Variants in SEC16B observed in about 807,000 individuals in gnomAD.
SEC16B encodes the protein SEC16 homolog B, endoplasmic reticulum export factor, also known as protein transport protein Sec16B.
SEC16B carries 115 observed loss-of-function variants against 141.8 expected under a neutral mutation model. The ratio of observed to expected loss-of-function variants is 0.81; its 90% CI spans 0.70 to 0.95. The LOEUF (loss-of-function observed/expected upper bound fraction) is 0.95, where lower values mean the gene tolerates loss of function less well. SEC16B is among the 40% of genes least tolerant of loss of function. The pLI, the probability that SEC16B is intolerant of heterozygous loss-of-function variation, is 0.00. For synonymous variants in SEC16B, 493 were observed against 492.5 expected (o/e 1.00, Z -0.01); for missense variants, 1,291 against 1,312.3 (o/e 0.98, Z 0.25).
Position 177,936,373 on chromosome 1 carries a change from A to G in SEC16B, c.2504-8T>C. On this transcript the variant is annotated splice_polypyrimidine_tract_variant and splice_region_variant and intron_variant, in intron 19 of 25. Coordinates refer to ENST00000308284, the MANE Select transcript of SEC16B (RefSeq NM_033127.4). ...GAGACACTGTGTTCTCTCCTGCATC[A>G]CAAACAGAAATGGAAATAGCAATTG... 6.2e-7 allele frequency: 1 copy of G among 1,604,186 alleles called. No homozygotes were observed. Among genetic ancestry groups the G allele is most frequent in the Non-Finnish European group, 8.5e-7 (1 of 1,174,698 alleles).
At chr1:177,948,163 A>G (rs1253405167) in intron 12 of SEC16B, among the ~76,000 whole-genome samples, 1 of 152,210 alleles carries the variant, frequency 6.6e-6, no homozygotes, top group African/African-American at 2.4e-5. Context: ...ACATACATAC[A>G]TACATTCACA....
chr1:177,975,023 C>T (rs1654114185), upstream of SEC16B, among the ~76,000 whole-genome samples: 1 of 152,096 alleles, frequency 6.6e-6, no homozygotes, highest in Non-Finnish European at 1.5e-5. Flanking sequence ...CCAAGAATTC[C>T]CTGTGGAGTA....
intron 1 of SEC16B, among the ~76,000 whole-genome samples, chr1:177,968,574 A>C (rs1653734956): frequency 6.6e-6 from 1 of 152,226 alleles, no homozygotes; most frequent in African/African-American, 2.4e-5. Context: ...AAGATAACCT[A>C]TGCGAAGTGC....
chr1:177,959,034 AC>A, intron 8 of SEC16B, 59 bp from the exon 9 acceptor site: 3 of 1,557,750 alleles, frequency 1.9e-6, no homozygotes, highest in Middle Eastern at 1.7e-4. Flanking sequence ...CCTGTTTCGG[AC>A]CCCAGGCTCC....
rs934015890 is a variant in SEC16B at position 177,961,670 on chromosome 1, T to C, written c.707A>G (p.Tyr236Cys). 4 of 1,613,782 alleles carry C rather than the reference T, an allele frequency of 2.5e-6. No individual in the cohort carries two copies. Among genetic ancestry groups the C allele is most frequent in the Middle Eastern group, 3.3e-4 (2 of 6,084 alleles). ...QRESGLSSSS[Y>C]ELSQYIRDAP... ...ATCTCTGATGTACTGACTGAGCTCA[T>C]AGCTGCTGGAGCTGAGACCAGACTC... The change falls in exon 6 of 26, where the codon TAT becomes TGT. Residue 236 changes from tyrosine to cysteine, a missense_variant. Around this residue, in one of 3 missense-constraint regions of SEC16B, gnomAD observed 681 missense variants for 675.5 expected, o/e 1.01. Coordinates refer to ENST00000308284, the MANE Select transcript of SEC16B (RefSeq NM_033127.4).
intron 4 of SEC16B, among the ~76,000 whole-genome samples, chr1:177,964,570 T>C (rs1653355887): frequency 1.3e-5 from 2 of 152,102 alleles, no homozygotes; most frequent in Admixed American, 1.3e-4. Flanking sequence ...AGTGTTTAGG[T>C]TGGTGAATTC....
chr1:177,958,882 A>G lies in SEC16B; in HGVS notation c.1092T>C (p.Ala364=), dbSNP rs765255597. The G allele has an allele frequency of 5.8e-5, 93 of 1,613,692 alleles. No homozygotes were observed. The highest frequency in any genetic ancestry group is 7.0e-5 in the Non-Finnish European group (82 of 1,179,780). Residue 364 remains alanine, a synonymous_variant, in exon 9 of 26, where the codon GCT becomes GCC. Coordinates refer to ENST00000308284, the MANE Select transcript of SEC16B (RefSeq NM_033127.4). ...KSETLGSRDS[A]LLWQLLVLLC... Reference sequence around the variant, plus strand: ...GGAGAACCAAGAGCTGCCACAGTAGAGCTGAGTCTCTGCTCCCCAGTGTCT... The same window carrying G: ...GGAGAACCAAGAGCTGCCACAGTAGGGCTGAGTCTCTGCTCCCCAGTGTCT...
At chr1:177,957,327 T>A (rs1652687618) in intron 10 of SEC16B, among the ~76,000 whole-genome samples, 1 of 152,146 alleles carries the variant, frequency 6.6e-6, no homozygotes, top group African/African-American at 2.4e-5. Context: ...GAATATTGTA[T>A]AACTATTTTT....
intron 4 of SEC16B, 66 bp from the exon 5 acceptor site, chr1:177,964,345 C>T (rs1457134923): frequency 2.2e-5 from 26 of 1,179,784 alleles, no homozygotes; most frequent in African/African-American, 4.6e-5. Context: ...AGGCACTCTC[C>T]GCCGGAAGCT....
intron 12 of SEC16B, among the ~76,000 whole-genome samples, chr1:177,950,493 T>C (rs979891861): frequency 6.6e-6 from 1 of 152,080 alleles, no homozygotes; most frequent in Admixed American, 6.5e-5. Context: ...TTTAAAGTTA[T>C]GTAATATGAG....
intron 7 of SEC16B, 111 bp downstream of exon 7, chr1:177,960,680 A>T (rs1652988415): frequency 8.2e-7 from 1 of 1,224,866 alleles, no homozygotes; most frequent in African/African-American, 1.5e-5. Context: ...CCGCAAGAGC[A>T]TCCCATTCCT....
chr1:177,946,559 TCACGGAGCACA>T (rs1651728663), intron 13 of SEC16B, 28 bp from the exon 14 acceptor site: 1 of 1,521,722 alleles, frequency 6.6e-7, no homozygotes, highest in Non-Finnish European at 8.9e-7. Context: ...CAAGACCCAA[TCACGGAGCACA>T]CCCGTATGGG....
chr1:177,934,591 G>C (rs551496856), intron 20 of SEC16B, among the ~76,000 whole-genome samples: 57 of 152,278 alleles, frequency 3.7e-4, no homozygotes, highest in Middle Eastern at 3.4e-3. Flanking sequence ...AGTCCTGTGA[G>C]CTAGGTGCTA....
intron 12 of SEC16B, among the ~76,000 whole-genome samples, chr1:177,949,519 C>G (rs1255814535): frequency 1.3e-5 from 2 of 148,488 alleles, no homozygotes; most frequent in Admixed American, 1.4e-4. Context: ...GCGGAGGGGA[C>G]ACAGTAGAGA....
At chr1:177,939,835 G>A (rs550045997) in intron 17 of SEC16B, 58 bp from the exon 18 acceptor site, 1 of 1,308,022 alleles carries the variant, frequency 7.6e-7, no homozygotes, top group East Asian at 2.6e-5. Context: ...CAAGAACAGA[G>A]AAACAAAGTG....
At chr1:177,975,973 G>A (rs571336388) in intron 1 of SEC16B, among the ~76,000 whole-genome samples, 4 of 152,058 alleles carry the variant, frequency 2.6e-5, no homozygotes, top group Non-Finnish European at 5.9e-5. Context: ...AAAAGATGGT[G>A]CCTGTGCCAG....
intron 1 of SEC16B, among the ~76,000 whole-genome samples, chr1:177,976,328 C>T (rs993118860): frequency 1.3e-5 from 2 of 152,184 alleles, no homozygotes; most frequent in African/African-American, 4.8e-5. Context: ...ATATCAAGAA[C>T]AGTGGGTGGC....
At chr1:177,955,156 T>C (rs185828802) in intron 10 of SEC16B, among the ~76,000 whole-genome samples, 59 of 152,132 alleles carry the variant, frequency 3.9e-4, no homozygotes, top group East Asian at 3.9e-4. Flanking sequence ...TTCAACTTCA[T>C]TGAATGCATT....
upstream of SEC16B, chr1:177,973,051 G>A (rs1654024193): frequency 6.6e-6 from 1 of 152,256 alleles, no homozygotes; most frequent in African/African-American, 2.4e-5. Flanking sequence ...TTAAGCCCTA[G>A]TCTATGGTTT....
Sources: gnomAD v4.1 joint callset for allele counts (sites outside exome capture counted in the v4.1 genomes callset) on GRCh38, gnomAD v4.1.1 for gene constraint, gnomAD v4.1.1 regional missense constraint, MANE v1.5 for transcripts, NCBI Gene and HGNC (gene_info 2026-07-23, HGNC 2026-07-21) for gene names.